Variants in KIAA1549 observed in about 807,000 individuals in gnomAD.
KIAA1549 encodes KIAA1549.
KIAA1549 carries 70 observed loss-of-function variants against 156.4 expected under a neutral mutation model. The ratio of observed to expected loss-of-function variants is 0.45; its 90% confidence interval spans 0.37 to 0.55. The LOEUF (loss-of-function observed/expected upper bound fraction) is 0.55. Ranked by LOEUF, KIAA1549 falls within the 20% of genes least tolerant of loss-of-function variation. KIAA1549 has a pLI of 0.00. For synonymous variants in KIAA1549, 1,103 were observed against 1,066.4 expected, an observed-to-expected ratio of 1.03 and a Z score of -0.67; for missense variants, 2,428 against 2,540.9, an observed-to-expected ratio of 0.96 and a Z score of 0.96.
rs377342282 is a variant in KIAA1549, at chr7:138,901,969, A to ACC, written c.3669+1618_3669+1619insGG. 2.2e-4 allele frequency among the ~76,000 whole-genome samples: 3 copies of ACC among 13,412 alleles called. 1 individual carries two copies. The highest frequency in any genetic ancestry group is 0.036 in the Middle Eastern group (2 of 56). The allele number at this position is 13,412 out of a possible 152,430, so 8.8% of individuals were successfully genotyped here. A position where few individuals can be genotyped will look rare whatever the true frequency, so the allele number is the denominator to read the frequency against. The stretch of plus-strand genomic sequence containing the variant: ...CATGTCAAATTTAGCACTGTATTAT[A>ACC]CTTTCACGGTGTCCTATAACTATTT... On this transcript the variant is annotated intron_variant, in intron 8 of 19. Coordinates refer to ENST00000422774, the MANE Select transcript of KIAA1549 (RefSeq NM_001164665.2).
At chr7:138,973,840 C>T (rs1326685115) in intron 1 of KIAA1549, among the ~76,000 whole-genome samples, 1 of 152,174 alleles carries the variant, frequency 6.6e-6, no homozygotes, top group African/African-American at 2.4e-5. Context: ...AACAAGGTCT[C>T]ACTATGTTAC....
intron 15 of KIAA1549, among the ~76,000 whole-genome samples, chr7:138,865,560 A>T (rs1156926361): frequency 3.3e-5 from 5 of 152,270 alleles, no homozygotes; most frequent in South Asian, 2.1e-4. Flanking sequence ...AGTGTTTCAG[A>T]ATTCAAAATC....
At chr7:138,908,698 T>G (rs1258048720) in intron 5 of KIAA1549, among the ~76,000 whole-genome samples, 4 of 152,184 alleles carry the variant, frequency 2.6e-5, no homozygotes, top group Non-Finnish European at 5.9e-5. Context: ...CATTGGATAT[T>G]TAGGTTGATA....
At chr7:138,900,669 T>C (rs1811815996) in intron 8 of KIAA1549, among the ~76,000 whole-genome samples, 1 of 152,180 alleles carries the variant, frequency 6.6e-6, no homozygotes, top group South Asian at 2.1e-4. Flanking sequence ...CCCTCATGAA[T>C]GGTTTGGTGC....
chr7:138,881,265 A>T, intron 11 of KIAA1549, 123 bp downstream of exon 11: 1 of 924,346 alleles, frequency 1.1e-6, no homozygotes, highest in Non-Finnish European at 1.6e-6. Context: ...GCAAGTCATC[A>T]GTCTGCTGGG....
At chr7:138,977,986 C>G (rs1814431032) in intron 1 of KIAA1549, among the ~76,000 whole-genome samples, 1 of 152,218 alleles carries the variant, frequency 6.6e-6, no homozygotes, top group African/African-American at 2.4e-5. Context: ...AGGCGTGAGC[C>G]AGCGCGCATG....
intron 1 of KIAA1549, among the ~76,000 whole-genome samples, chr7:138,945,002 A>G (rs1376215135): frequency 2.6e-5 from 4 of 152,182 alleles, no homozygotes; most frequent in Non-Finnish European, 5.9e-5. Context: ...TAAAATTGTA[A>G]ATTTTATGTT....
intron 15 of KIAA1549, among the ~76,000 whole-genome samples, chr7:138,865,810 C>A (rs1329920868): frequency 6.6e-6 from 1 of 152,156 alleles, no homozygotes; most frequent in East Asian, 1.9e-4. Flanking sequence ...GGTTCCTCCC[C>A]ATACAAAACT....
At chr7:138,923,125 G>T (rs1812609380) in intron 1 of KIAA1549, among the ~76,000 whole-genome samples, 1 of 152,224 alleles carries the variant, frequency 6.6e-6, no homozygotes, top group Non-Finnish European at 1.5e-5. Flanking sequence ...ATCCTCAAGT[G>T]CTGAGAGAAA....
chr7:138,981,059 T>G lies in KIAA1549; in HGVS notation c.187+24A>C, dbSNP rs867950999. ...AAGGCAGGCGGGGTCGCGGCCGCGTTCCGAGGGTCTCGGCGGAGCTTACCT... is the reference window on the plus strand; with the variant it reads ...AAGGCAGGCGGGGTCGCGGCCGCGTGCCGAGGGTCTCGGCGGAGCTTACCT... On this transcript the variant is annotated intron_variant, in intron 1 of 19. Transcript: ENST00000422774. This position sits in a 1 kb window ranked among gnomAD's most constrained non-coding sequence, Gnocchi z 4.5. The G allele has an allele frequency of 3.8e-5, 46 of 1,223,298 alleles. No homozygotes were observed. The Middle Eastern group carries it at 7.2e-4, about 19-fold the overall frequency. 75.8% of individuals were successfully genotyped at this position (1,223,298 alleles called of 1,614,324 possible).
At chr7:138,956,619 G>C (rs1223481494) in intron 1 of KIAA1549, among the ~76,000 whole-genome samples, 1 of 152,166 alleles carries the variant, frequency 6.6e-6, no homozygotes, top group African/African-American at 2.4e-5. Context: ...CACCATGTAA[G>C]ACGTGCCTCT....
chr7:138,889,610 T>C (rs2130425201), intron 10 of KIAA1549, among the ~76,000 whole-genome samples: 1 of 152,342 alleles, frequency 6.6e-6, no homozygotes, highest in Non-Finnish European at 1.5e-5. Context: ...ACTGGTTTTT[T>C]TCTGGGTAAC....
At chr7:138,893,771 T>TA (rs1811606429) in intron 10 of KIAA1549, among the ~76,000 whole-genome samples, 1 of 152,162 alleles carries the variant, frequency 6.6e-6, no homozygotes, top group South Asian at 2.1e-4. Context: ...TATCCAGGGA[T>TA]AAAATAAATC....
chr7:138,963,442 A>G (rs10215417), intron 1 of KIAA1549, among the ~76,000 whole-genome samples: 33,784 of 152,088 alleles, frequency 0.22, 4,557 homozygotes, highest in African/African-American at 0.37. Flanking sequence ...ACTGAACACA[A>G]TTGGAAGAGG....
At position 138,903,848 on chromosome 7, in the gene KIAA1549, T is replaced by C. The variant is rs957263940; in HGVS notation, c.3521-112A>G. On this transcript the variant is annotated intron_variant, in intron 7 of 19. Transcript: ENST00000422774. ...GTGTGTGTGTGTGTGTGTGTGTGTG[T>C]GTGTGCGCGCGCGCGCGCGCGCACA... The C allele has an allele frequency of 3.5e-3, 1,203 of 340,976 alleles. 20 individuals carry two copies. The African/African-American group carries it at 0.047, about 13-fold the overall frequency. The allele number at this position is 340,976 out of a possible 1,614,324, so 21.1% of individuals were successfully genotyped here.
At chr7:138,935,827 G>C (rs776894987) in intron 1 of KIAA1549, among the ~76,000 whole-genome samples, 44 of 152,162 alleles carry the variant, frequency 2.9e-4, no homozygotes, top group Admixed American at 2.4e-3. Flanking sequence ...CAAGGGATCA[G>C]GAGGCTTAAG....
intron 1 of KIAA1549, among the ~76,000 whole-genome samples, chr7:138,969,589 TTTTG>T (rs578127719): frequency 4.9e-4 from 74 of 152,204 alleles, no homozygotes; most frequent in Middle Eastern, 3.4e-3. Context: ...GAGTTTTGTT[TTTTG>T]TTTGTTTGTT....
chr7:138,908,929 T>C (rs1396105716), intron 5 of KIAA1549, 62 bp downstream of exon 5: 3 of 1,593,504 alleles, frequency 1.9e-6, no homozygotes, highest in Admixed American at 1.7e-5. Context: ...TCTTAAACAA[T>C]GTGGAACAAT....
In KIAA1549 at chr7:138,886,026, C is replaced by A. The variant is rs1017340770; in HGVS notation, c.4033-4442G>T. Among the ~76,000 whole-genome samples, 13 of 152,214 alleles carry A rather than the reference C, an allele frequency of 8.5e-5. No homozygotes were observed. The East Asian group carries it at 1.5e-3, about 18-fold the overall frequency. Reference sequence around the variant, plus strand: ...TTGGTGTGTGAGGAAAGCCCCCCCCCAAATTCGGTCACAGAAGTCTCCTGT... The same window carrying A: ...TTGGTGTGTGAGGAAAGCCCCCCCCAAAATTCGGTCACAGAAGTCTCCTGT... On this transcript the variant is annotated intron_variant, in intron 10 of 19. Transcript: ENST00000422774.
Sources: gnomAD v4.1 joint callset for allele counts (sites outside exome capture counted in the v4.1 genomes callset) on GRCh38, gnomAD v4.1.1 for gene constraint, Gnocchi (gnomAD v3.1) non-coding constraint, MANE v1.5 for transcripts, NCBI Gene and HGNC (gene_info 2026-07-23, HGNC 2026-07-21) for gene names.